The following SPMIP2 variants were observed in gnomAD, a reference collection of about 807,000 sequenced individuals.
SPMIP2 encodes sperm microtubule inner protein 2.
the SPMIP2 span, among the ~76,000 whole-genome samples, chr4:159,075,337 T>A: frequency 6.6e-6 from 1 of 152,224 alleles, no homozygotes; most frequent in African/African-American, 2.4e-5. Flanking sequence ...CAATGAGATA[T>A]TATCCGTGAT....
chr4:159,025,384 C>G, the SPMIP2 span, among the ~76,000 whole-genome samples: 1 of 152,168 alleles, frequency 6.6e-6, no homozygotes, highest in African/African-American at 2.4e-5. Flanking sequence ...AGGCTGGTCT[C>G]GAGCTACTGA....
At chr4:158,893,528 A>C in the SPMIP2 span, 1 of 562,732 alleles carries the variant, frequency 1.8e-6, no homozygotes, top group Non-Finnish European at 3.2e-6. Context: ...AAAGACTGAC[A>C]ACACCTTTTT....
the SPMIP2 span, among the ~76,000 whole-genome samples, chr4:158,900,348 C>CTATT: frequency 6.6e-6 from 1 of 152,146 alleles, no homozygotes; most frequent in Non-Finnish European, 1.5e-5. Flanking sequence ...CTGTAGATGT[C>CTATT]TATTAGGTCT....
At chr4:159,054,372 C>T in the SPMIP2 span, among the ~76,000 whole-genome samples, 1 of 151,994 alleles carries the variant, frequency 6.6e-6, no homozygotes, top group East Asian at 1.9e-4. Flanking sequence ...TCATAATGAC[C>T]TCCCCTCCTC....
chr4:159,048,650 T>G, the SPMIP2 span, among the ~76,000 whole-genome samples: 6 of 151,276 alleles, frequency 4.0e-5, no homozygotes, highest in Admixed American at 1.3e-4. Flanking sequence ...GAATTGAAAA[T>G]GCCTATCAGT....
chr4:159,038,043 C>A, the SPMIP2 span, among the ~76,000 whole-genome samples: 2 of 151,876 alleles, frequency 1.3e-5, no homozygotes, highest in African/African-American at 2.4e-5. Context: ...TTCAACCAGT[C>A]CACTATTAGT....
the SPMIP2 span, among the ~76,000 whole-genome samples, chr4:159,067,470 A>T: frequency 2.0e-5 from 3 of 152,164 alleles, no homozygotes; most frequent in Non-Finnish European, 4.4e-5. Flanking sequence ...ACCTCAGGTG[A>T]TCCACCCGCC....
chr4:158,999,465 T>C, the SPMIP2 span, among the ~76,000 whole-genome samples: 4 of 152,196 alleles, frequency 2.6e-5, no homozygotes, highest in African/African-American at 9.7e-5. Context: ...TTCTCAACCT[T>C]GTAAATATAT....
At chr4:158,894,615 AT>A in the SPMIP2 span, among the ~76,000 whole-genome samples, 6 of 152,204 alleles carry the variant, frequency 3.9e-5, no homozygotes, top group African/African-American at 1.2e-4. Context: ...GTTCAATGTA[AT>A]ATGAATATTA....
chr4:159,047,403 T>G, the SPMIP2 span, among the ~76,000 whole-genome samples: 2 of 152,200 alleles, frequency 1.3e-5, no homozygotes, highest in African/African-American at 4.8e-5. Context: ...AATTTCCTGA[T>G]TCTTTATATT....
At chr4:159,037,782 A>G in the SPMIP2 span, among the ~76,000 whole-genome samples, 2 of 68,110 alleles carry the variant, frequency 2.9e-5, no homozygotes, top group African/African-American at 1.4e-4. Context: ...CAAAAACAAT[A>G]TATACACACA....
At chr4:158,913,827 T>C in the SPMIP2 span, among the ~76,000 whole-genome samples, 5 of 146,984 alleles carry the variant, frequency 3.4e-5, no homozygotes, top group Non-Finnish European at 7.5e-5. Context: ...CTGGGCAACA[T>C]AGTGAGACCC....
chr4:159,011,345 T>C, the SPMIP2 span, among the ~76,000 whole-genome samples: 1 of 152,236 alleles, frequency 6.6e-6, no homozygotes, highest in Non-Finnish European at 1.5e-5. Flanking sequence ...TTAAAAGCTT[T>C]TATCATGATC....
At chr4:159,025,613 GT>G in the SPMIP2 span, among the ~76,000 whole-genome samples, 6 of 151,820 alleles carry the variant, frequency 4.0e-5, no homozygotes, top group African/African-American at 1.5e-4. Flanking sequence ...GGTGTACTTG[GT>G]TGGCTTATTA....
At chr4:159,009,961 T>C in the SPMIP2 span, among the ~76,000 whole-genome samples, 4 of 152,076 alleles carry the variant, frequency 2.6e-5, no homozygotes, top group Non-Finnish European at 4.4e-5. Context: ...GCCATTGTGC[T>C]CCAGCCTGGA....
At chr4:159,066,013 T>A in the SPMIP2 span, among the ~76,000 whole-genome samples, 1 of 152,204 alleles carries the variant, frequency 6.6e-6, no homozygotes, top group African/African-American at 2.4e-5. Context: ...GTGTCTTTAC[T>A]TCCCTCATTG....
the SPMIP2 span, among the ~76,000 whole-genome samples, chr4:158,996,022 G>A: frequency 4.6e-5 from 7 of 152,134 alleles, no homozygotes; most frequent in South Asian, 2.1e-4. Flanking sequence ...CAGTTAACCC[G>A]TTTTTCGTCC....
At chr4:158,962,649 GC>G in the SPMIP2 span, among the ~76,000 whole-genome samples, 1 of 152,152 alleles carries the variant, frequency 6.6e-6, no homozygotes, top group East Asian at 1.9e-4. Context: ...CCTGTGAGAA[GC>G]ATTTCCATTG....
the SPMIP2 span, among the ~76,000 whole-genome samples, chr4:159,015,687 T>A: frequency 3.3e-5 from 5 of 152,220 alleles, no homozygotes; most frequent in Non-Finnish European, 7.3e-5. Flanking sequence ...TATATAAATA[T>A]GAATAATATC....
Sources: gnomAD v4.1 joint callset for allele counts (sites outside exome capture counted in the v4.1 genomes callset) on GRCh38, gnomAD v4.1.1 for gene constraint, MANE v1.5 for transcripts, NCBI Gene and HGNC (gene_info 2026-07-23, HGNC 2026-07-21) for gene names.